KCNJ15: variants seen among roughly 807,000 people sequenced by gnomAD.
The protein encoded by KCNJ15 is ATP-sensitive inward rectifier potassium channel 15.
Under a neutral mutation model 23.0 loss-of-function variants are expected in KCNJ15, and 14 were observed. The observed-to-expected ratio is 0.61, with a 90% CI of 0.40 to 0.95. KCNJ15 has a LOEUF of 0.95. Among genes scored for constraint, KCNJ15 ranks in the 40% least tolerant of loss-of-function variants. KCNJ15 has a pLI of 0.00. For missense variants in KCNJ15, 388 were observed against 461.8 expected, an observed-to-expected ratio of 0.84 and a Z score of 1.46; for synonymous variants, 185 against 183.2, an observed-to-expected ratio of 1.01 and a Z score of -0.08.
chr21:38,230,070 G>A (rs1410108887), intron 1 of KCNJ15, among the ~76,000 whole-genome samples: 1 of 151,880 alleles, frequency 6.6e-6, no homozygotes, highest in Non-Finnish European at 1.5e-5. Flanking sequence ...TAGAATGATT[G>A]GATCATATAA....
At chr21:38,248,971 G>C (rs1192054944) in intron 1 of KCNJ15, among the ~76,000 whole-genome samples, 1 of 152,140 alleles carries the variant, frequency 6.6e-6, no homozygotes, top group Non-Finnish European at 1.5e-5. Flanking sequence ...AACCATCTCA[G>C]ATAAGTCAAT....
upstream of KCNJ15, among the ~76,000 whole-genome samples, chr21:38,256,126 G>A (rs1447284878): frequency 6.6e-6 from 1 of 151,978 alleles, no homozygotes; most frequent in African/African-American, 2.4e-5. Context: ...TTGATGTGGT[G>A]GCTGCAAGAG....
At chr21:38,248,740 G>C (rs928982028) in intron 1 of KCNJ15, among the ~76,000 whole-genome samples, 11 of 152,184 alleles carry the variant, frequency 7.2e-5, no homozygotes, top group African/African-American at 9.7e-5. Context: ...ATTGTTCCTA[G>C]AGGTGAGTTT....
chr21:38,288,832 A>T (rs1019912634), intron 1 of KCNJ15, among the ~76,000 whole-genome samples: 1 of 152,262 alleles, frequency 6.6e-6, no homozygotes, highest in Non-Finnish European at 1.5e-5. Flanking sequence ...TAAGAAAACC[A>T]GCATCACTGC....
In KCNJ15 at chr21:38,300,468, A is replaced by T. The variant is rs565979459; in HGVS notation, c.*79A>T. On this transcript the variant is annotated 3_prime_UTR_variant, in exon 3 of 3. Transcript: ENST00000398938. ...CCCTTCAAACACAAAGATTGCTGTG[A>T]AAACGAAAATGTGTAGACGCACTCT... 3.3e-4 allele frequency: 441 copies of T among 1,323,740 alleles called. No homozygotes were observed. Among genetic ancestry groups the T allele is most frequent in the Non-Finnish European group, 4.3e-4 (411 of 962,138 alleles). 82.0% of individuals were successfully genotyped at this position (1,323,740 alleles called of 1,614,324 possible).
rs1303290023 is a variant in KCNJ15, at chr21:38,305,596, T to C, written c.*5207T>C. ...AGGCACTCTGTATGTGCAGAATATG[T>C]CCTATATGGAGTAATTTTTTATTTG... On this transcript the variant is annotated 3_prime_UTR_variant, in exon 3 of 3. Coordinates refer to ENST00000398938, the MANE Select transcript of KCNJ15 (RefSeq NM_170736.3). The C allele has an allele frequency of 6.6e-6, 1 of 152,248 alleles. No individual in the cohort carries two copies. Among genetic ancestry groups the C allele is most frequent in the Admixed American group, 6.5e-5 (1 of 15,278 alleles). 9.4% of individuals were successfully genotyped at this position (152,248 alleles called of 1,614,324 possible).
At chr21:38,284,171 T>G (rs1470552810) in intron 1 of KCNJ15, among the ~76,000 whole-genome samples, 2 of 152,194 alleles carry the variant, frequency 1.3e-5, no homozygotes, top group Non-Finnish European at 2.9e-5. Flanking sequence ...AGAGGTGAGA[T>G]CCTCCTTCTG....
chr21:38,287,327 T>C (rs899556927), intron 1 of KCNJ15, among the ~76,000 whole-genome samples: 2 of 152,218 alleles, frequency 1.3e-5, no homozygotes, highest in South Asian at 4.1e-4. Flanking sequence ...TTGTTTTTTT[T>C]CTTCTAAGAA....
rs1985489220 is a variant in KCNJ15, at chr21:38,299,243, G to A, written c.-18-1G>A. On this transcript the variant is annotated splice_acceptor_variant, in intron 2 of 2. Transcript: ENST00000398938. LOFTEE classifies it low-confidence loss of function (5UTR_SPLICE). This position sits in a 1 kb window ranked among gnomAD's most constrained non-coding sequence, Gnocchi z 4.5. ...TGAAACATCTTTGTCATTTCTCTAA[G>A]TGTTTCCAGAGCCTGGCAATGGATG... The A allele has an allele frequency of 6.3e-7, 1 of 1,595,744 alleles. No individual in the cohort carries two copies. Among genetic ancestry groups the A allele is most frequent in the Non-Finnish European group, 8.5e-7 (1 of 1,169,628 alleles).
intron 1 of KCNJ15, among the ~76,000 whole-genome samples, chr21:38,288,807 C>T (rs1289425605): frequency 1.3e-5 from 2 of 152,324 alleles, no homozygotes; most frequent in African/African-American, 4.8e-5. Context: ...TCTTATGTCT[C>T]ACAGAAACAG....
rs555068709 is a variant in KCNJ15 at position 38,306,355 on chromosome 21, A to G, written c.*5966A>G. On this transcript the variant is annotated 3_prime_UTR_variant, in exon 3 of 3. Coordinates refer to ENST00000398938, the MANE Select transcript of KCNJ15 (RefSeq NM_170736.3). ...CAAGGGAATTACTATAGTTGATTAT[A>G]GAGTATCTATTTCCTTAAAAAAAAA... 1.1e-4 allele frequency: 14 copies of G among 127,818 alleles called. No homozygotes were observed. The highest frequency in any genetic ancestry group is 8.7e-4 in the East Asian group (4 of 4,584). 7.9% of individuals were successfully genotyped at this position (127,818 alleles called of 1,614,324 possible).
At position 38,297,987 on chromosome 21, in the gene KCNJ15, T is replaced by C. The variant is rs74998971; in HGVS notation, c.-19+964T>C. On this transcript the variant is annotated intron_variant, in intron 2 of 2. Transcript: ENST00000398938. The stretch of plus-strand genomic sequence containing the variant: ...ATTACTTTCACAACTTCTATTGAGA[T>C]AATACTGCTCTAACAGAAAGAGCAA... 6.6e-3 allele frequency among the ~76,000 whole-genome samples: 1,003 copies of C among 152,322 alleles called. 7 individuals carry two copies. The highest frequency in any genetic ancestry group is 0.022 in the African/African-American group (895 of 41,568).
chr21:38,241,682 C>T lies in KCNJ15; in HGVS notation c.-398-15364C>T, dbSNP rs1979002000. Among the ~76,000 whole-genome samples, 4 of 152,044 alleles carry T rather than the reference C, an allele frequency of 2.6e-5. No homozygotes were observed. The South Asian group carries it at 6.2e-4, about 24-fold the overall frequency. On this transcript the variant is annotated intron_variant, in intron 1 of 4. Coordinates refer to the KCNJ15 transcript ENST00000547341. The stretch of plus-strand genomic sequence containing the variant: ...CTAAATTGTTTAAGAATGACTTGCT[C>T]ACGGCTGGGCATGGAGGCTCATGCC...
At position 38,299,292 on chromosome 21, in the gene KCNJ15, A is replaced by C. The variant is rs774539580; in HGVS notation, c.31A>C (p.Thr11Pro). The change falls in exon 3 of 3, where the codon ACC becomes CCC. Residue 11 changes from threonine to proline, a missense_variant. Coordinates refer to ENST00000398938, the MANE Select transcript of KCNJ15 (RefSeq NM_170736.3). The surrounding 1 kb of genome is among the most constrained non-coding windows in gnomAD (Gnocchi z 4.5). ...TGCCATTCACATCGGCATGTCCAGCACCCCCCTGGTGAAGCACACTGCTGG... is the reference window on the plus strand; with the variant it reads ...TGCCATTCACATCGGCATGTCCAGCCCCCCCCTGGTGAAGCACACTGCTGG... MDAIHIGMSS[T>P]PLVKHTAGAG... The C allele has an allele frequency of 6.2e-7, 1 of 1,613,856 alleles. No homozygotes were observed. The highest frequency in any genetic ancestry group is 1.1e-5 in the South Asian group (1 of 91,070).
chr21:38,300,270 C>G lies in KCNJ15; in HGVS notation c.1009C>G (p.Pro337Ala), dbSNP rs1382677008. 6.2e-7 allele frequency: 1 copy of G among 1,614,092 alleles called. No homozygotes were observed. Among genetic ancestry groups the G allele is most frequent in the Admixed American group, 1.7e-5 (1 of 60,004 alleles). ...FSQFEQIRKS[P>A]DCTFYCADSE... is the part of the protein sequence containing the mutation. The stretch of plus-strand genomic sequence containing the variant: ...TCAGTTTGAACAGATTCGGAAAAGC[C>G]CAGATTGCACATTTTACTGTGCAGA... Residue 337 changes from proline (P) to alanine (A), a missense_variant, in exon 3 of 3, where the codon CCA becomes GCA. Pro to Ala is a conservative substitution (Grantham distance 27). Transcript: ENST00000398938.
At chr21:38,293,960 C>G (rs115353368) in intron 1 of KCNJ15, among the ~76,000 whole-genome samples, 1 of 152,176 alleles carries the variant, frequency 6.6e-6, no homozygotes, top group African/African-American at 2.4e-5. Flanking sequence ...TTCACTGCTG[C>G]GTAGTGTAGG....
chr21:38,272,469 C>G (rs548712514), intron 1 of KCNJ15: 2 of 152,378 alleles, frequency 1.3e-5, no homozygotes, highest in East Asian at 3.9e-4. Flanking sequence ...AGGCTTCCCC[C>G]TGCTGAGTCA....
At chr21:38,298,094 T>G (rs1321947092) in intron 2 of KCNJ15, 3 of 152,192 alleles carry the variant, frequency 2.0e-5, no homozygotes, top group Admixed American at 2.0e-4. Context: ...AAGAAAAACA[T>G]GCCACCCAGG....
rs1185006557 is a variant in KCNJ15, at chr21:38,250,470, C to T, written c.-398-6576C>T. Among the ~76,000 whole-genome samples the T allele has an allele frequency of 3.3e-5, 5 of 152,106 alleles. No individual in the cohort carries two copies. In the East Asian group the frequency reaches 7.7e-4, roughly 23 times the overall value. On this transcript the variant is annotated intron_variant, in intron 1 of 4. Coordinates refer to the KCNJ15 transcript ENST00000547341. Reference sequence around the variant, plus strand: ...TGTACCCAGCTAGCTCTTCCAGAGGCCAAGAACTAAACTTGGAAAAGGGTG... The same window carrying T: ...TGTACCCAGCTAGCTCTTCCAGAGGTCAAGAACTAAACTTGGAAAAGGGTG...
Sources: allele counts gnomAD v4.1 joint callset (sites outside exome capture counted in the v4.1 genomes callset), GRCh38; gene constraint gnomAD v4.1.1; non-coding constraint Gnocchi (gnomAD v3.1); transcripts MANE v1.5; gene names NCBI Gene and HGNC (gene_info 2026-07-23, HGNC 2026-07-21).